Variants in CD58 observed in about 807,000 individuals in gnomAD.
CD58 encodes CD58 molecule, also known as lymphocyte function-associated antigen 3.
In CD58, 14 loss-of-function variants were observed where a neutral mutation model predicts 27.6. The ratio of observed to expected loss-of-function variants is 0.51; its 90% CI spans 0.34 to 0.79. The LOEUF (loss-of-function observed/expected upper bound fraction) is 0.79. Ranked by LOEUF, CD58 falls within the 30% of genes least tolerant of loss-of-function variation. The probability of loss-of-function intolerance (pLI) is 0.02; values close to 1 mark genes in which losing one functional copy is unlikely to be tolerated. For synonymous variants in CD58, 117 were observed against 103.8 expected, an observed-to-expected ratio of 1.13 and a Z score of -0.77; for missense variants, 268 against 301.7, an observed-to-expected ratio of 0.89 and a Z score of 0.83.
intron 3 of CD58, among the ~76,000 whole-genome samples, chr1:116,530,209 CTTTTTTT>C (rs113109056): frequency 0.026 from 3,764 of 143,450 alleles, 163 homozygotes; most frequent in African/African-American, 0.088. Context: ...TCTCCTCATT[CTTTTTTT>C]TTTTTTTGAG....
intron 1 of CD58, among the ~76,000 whole-genome samples, chr1:116,554,208 A>G (rs936688583): frequency 2.6e-5 from 4 of 152,228 alleles, no homozygotes; most frequent in African/African-American, 9.6e-5. Context: ...AAAGTTATCT[A>G]TACTAGTAAA....
intron 3 of CD58, among the ~76,000 whole-genome samples, chr1:116,529,341 G>A (rs1186612542): frequency 6.6e-6 from 1 of 152,236 alleles, no homozygotes; most frequent in Non-Finnish European, 1.5e-5. Context: ...ATAAGGAGGA[G>A]CAAAATGTAG....
In CD58 at chr1:116,532,483, G is replaced by T. The variant is rs1284094966; in HGVS notation, c.628+3482C>A. On this transcript the variant is annotated intron_variant, in intron 3 of 5. Transcript: ENST00000369489. This position sits in a 1 kb window ranked among gnomAD's most constrained non-coding sequence, Gnocchi z 5.1. Reference sequence around the variant, plus strand: ...GGCTGCACACTCAGCAGATTAAGCAGCTGAAAACAGCGAGTGGGTTTCTTC... The same window carrying T: ...GGCTGCACACTCAGCAGATTAAGCATCTGAAAACAGCGAGTGGGTTTCTTC... Among the ~76,000 whole-genome samples the T allele has an allele frequency of 6.6e-6, 1 of 152,224 alleles. No individual in the cohort carries two copies. Among genetic ancestry groups the T allele is most frequent in the Non-Finnish European group, 1.5e-5 (1 of 68,042 alleles).
At position 116,527,032 on chromosome 1, in the gene CD58, C is replaced by G. The variant is rs1387008615; in HGVS notation, c.629-5049G>C. On this transcript the variant is annotated intron_variant, in intron 3 of 5. Transcript: ENST00000369489. This position sits in a 1 kb window ranked among gnomAD's most constrained non-coding sequence, Gnocchi z 4.4. ...GACTTTTGTATATTAACTTTGTATC[C>G]TACAAATGTGCTATAGTTTTTTATT... Among the ~76,000 whole-genome samples, 2 of 152,106 alleles carry G rather than the reference C, an allele frequency of 1.3e-5. No individual in the cohort carries two copies. The highest frequency in any genetic ancestry group is 1.3e-4 in the Admixed American group (2 of 15,272).
intron 1 of CD58, among the ~76,000 whole-genome samples, chr1:116,545,163 T>C (rs759343768): frequency 2.0e-5 from 3 of 151,894 alleles, no homozygotes; most frequent in South Asian, 2.1e-4. Flanking sequence ...ACAGCTAGAA[T>C]GAGGAGGGCA....
At chr1:116,551,738 C>CTTTTT (rs1298283594) in intron 1 of CD58, among the ~76,000 whole-genome samples, 47 of 129,712 alleles carry the variant, frequency 3.6e-4, no homozygotes, top group African/African-American at 8.8e-4. Context: ...TTCTTTCTTT[C>CTTTTT]TTTTTTTTTT....
At position 116,523,146 on chromosome 1, in the gene CD58, C is replaced by T. The variant is rs1438547697; in HGVS notation, c.629-1163G>A. 6.6e-6 allele frequency among the ~76,000 whole-genome samples: 1 copy of T among 152,110 alleles called. No individual in the cohort carries two copies. The highest frequency in any genetic ancestry group is 1.5e-5 in the Non-Finnish European group (1 of 68,020). On this transcript the variant is annotated intron_variant, in intron 3 of 5. Transcript: ENST00000369489. The surrounding 1 kb of genome is among the most constrained non-coding windows in gnomAD (Gnocchi z 4.4). ...ATATCAATGATGTGCCCTTCTACTCCCCGCAAAAAGGCACAAAGATATTTA... is the reference window on the plus strand; with the variant it reads ...ATATCAATGATGTGCCCTTCTACTCTCCGCAAAAAGGCACAAAGATATTTA...
intron 4 of CD58, among the ~76,000 whole-genome samples, chr1:116,520,442 A>T (rs1226710830): frequency 1.3e-5 from 2 of 150,464 alleles, no homozygotes; most frequent in East Asian, 1.9e-4. Context: ...TTAAGAACAA[A>T]TTTTTTCAGA....
At position 116,552,348 on chromosome 1, in the gene CD58, C is replaced by A. The variant is rs1658420964; in HGVS notation, c.71-7744G>T. On this transcript the variant is annotated intron_variant, in intron 1 of 5. Transcript: ENST00000369489. This position sits in a 1 kb window ranked among gnomAD's most constrained non-coding sequence, Gnocchi z 4.5. ...CAATGACAACAGTAACATCAAAGAT[C>A]ACTGATCACAGATCACCATAACAGA... Among the ~76,000 whole-genome samples, 1 of 152,128 alleles carries A rather than the reference C, an allele frequency of 6.6e-6. No homozygotes were observed. Among genetic ancestry groups the A allele is most frequent in the Admixed American group, 6.6e-5 (1 of 15,260 alleles).
intron 3 of CD58, chr1:116,533,803 G>C (rs1368519547): frequency 2.7e-6 from 2 of 750,986 alleles, no homozygotes; most frequent in Non-Finnish European, 4.9e-6. Flanking sequence ...CTGGTATAAT[G>C]CTGCATATTT....
rs372113433 is a variant in CD58 at position 116,520,703 on chromosome 1, G to T, written c.706+1203C>A. On this transcript the variant is annotated intron_variant, in intron 4 of 5. Transcript: ENST00000369489. The stretch of plus-strand genomic sequence containing the variant: ...ATTAACTATTATACTGCTATTTGGG[G>T]ATTAAAATAGATTTTTAAAAAATTT... Among the ~76,000 whole-genome samples the T allele has an allele frequency of 1.8e-4, 28 of 152,146 alleles. No homozygotes were observed. In the East Asian group the frequency reaches 4.6e-3, roughly 25 times the overall value.
Position 116,541,397 on chromosome 1 carries a change from C to G in CD58, c.364+2914G>C, listed in dbSNP as rs1029292048. On this transcript the variant is annotated intron_variant, in intron 2 of 5. Transcript: ENST00000369489. This position sits in a 1 kb window ranked among gnomAD's most constrained non-coding sequence, Gnocchi z 5.3. The stretch of plus-strand genomic sequence containing the variant: ...TCCACAGGGGTCAGACCTCACATAG[C>G]CTTGCAAGTCGCTTTACACATTTTA... 6.6e-6 allele frequency among the ~76,000 whole-genome samples: 1 copy of G among 152,212 alleles called. No individual in the cohort carries two copies. Among genetic ancestry groups the G allele is most frequent in the Non-Finnish European group, 1.5e-5 (1 of 68,042 alleles).
rs1657640571 is a variant in CD58, at chr1:116,532,366, A to G, written c.628+3599T>C. Among the ~76,000 whole-genome samples the G allele has an allele frequency of 1.3e-5, 2 of 152,178 alleles. No individual in the cohort carries two copies. The highest frequency in any genetic ancestry group is 2.9e-5 in the Non-Finnish European group (2 of 68,026). On this transcript the variant is annotated intron_variant, in intron 3 of 5. Transcript: ENST00000369489. This position sits in a 1 kb window ranked among gnomAD's most constrained non-coding sequence, Gnocchi z 5.1. Reference sequence around the variant, plus strand: ...GTGCCACAACCCTGACCCAACCCTTAAAAAAGAAGATCAAAAAGCAACATC... The same window carrying G: ...GTGCCACAACCCTGACCCAACCCTTGAAAAAGAAGATCAAAAAGCAACATC...
chr1:116,561,257 A>G (rs1362802283), intron 1 of CD58, among the ~76,000 whole-genome samples: 1 of 152,222 alleles, frequency 6.6e-6, no homozygotes, highest in Non-Finnish European at 1.5e-5. Flanking sequence ...AAAACAAAAA[A>G]ACATAGCAAC....
At chr1:116,567,859 A>G (rs755893381) in intron 1 of CD58, among the ~76,000 whole-genome samples, 3 of 152,208 alleles carry the variant, frequency 2.0e-5, no homozygotes, top group Non-Finnish European at 2.9e-5. Flanking sequence ...AACATCTCCA[A>G]TAATGTGACA....
rs2101193014 is a variant in CD58 at position 116,546,022 on chromosome 1, CA to C, written c.71-1419del. Among the ~76,000 whole-genome samples the C allele has an allele frequency of 6.6e-6, 1 of 152,144 alleles. No individual in the cohort carries two copies. The highest frequency in any genetic ancestry group is 6.5e-5 in the Admixed American group (1 of 15,286). On this transcript the variant is annotated intron_variant, in intron 1 of 5. Coordinates refer to ENST00000369489, the MANE Select transcript of CD58 (RefSeq NM_001779.3). The surrounding 1 kb of genome is among the most constrained non-coding windows in gnomAD (Gnocchi z 4.1). Reference sequence around the variant, plus strand: ...CGAAACCCCATCTTTACGAAAAGTACAAAAAATTAGCTGGGCATGGCACACA... The same window carrying C: ...CGAAACCCCATCTTTACGAAAAGTACAAAAATTAGCTGGGCATGGCACACA...
At chr1:116,533,789 G>A (rs1657697923) in intron 3 of CD58, 2 of 734,650 alleles carry the variant, frequency 2.7e-6, no homozygotes, top group Non-Finnish European at 5.0e-6. Context: ...TCGTCAAAGA[G>A]AGGCTGGTAT....
rs1657990282 is a variant in CD58, at chr1:116,541,602, G to A, written c.364+2709C>T. ...CATCCCGGTTTCAGACTGACCAGCTGAAAGGATGGGGCTGCCATTAACCAA... is the reference window on the plus strand; with the variant it reads ...CATCCCGGTTTCAGACTGACCAGCTAAAAGGATGGGGCTGCCATTAACCAA... On this transcript the variant is annotated intron_variant, in intron 2 of 5. Coordinates refer to ENST00000369489, the MANE Select transcript of CD58 (RefSeq NM_001779.3). This position sits in a 1 kb window ranked among gnomAD's most constrained non-coding sequence, Gnocchi z 5.3. Among the ~76,000 whole-genome samples, 1 of 152,226 alleles carries A rather than the reference G, an allele frequency of 6.6e-6. No homozygotes were observed. Among genetic ancestry groups the A allele is most frequent in the African/African-American group, 2.4e-5 (1 of 41,454 alleles).
chr1:116,515,941 C>T lies in CD58; in HGVS notation c.744-1119G>A, dbSNP rs1254596722. On this transcript the variant is annotated intron_variant, in intron 5 of 5. Coordinates refer to ENST00000369489, the MANE Select transcript of CD58 (RefSeq NM_001779.3). This position sits in a 1 kb window ranked among gnomAD's most constrained non-coding sequence, Gnocchi z 4.6. ...TTAGTTCTTCCTGCTCCTGCCCTCG[C>T]GCAGCTGGGGAAATATTGCATTTGT... Among the ~76,000 whole-genome samples the T allele has an allele frequency of 6.6e-6, 1 of 152,136 alleles. No homozygotes were observed. Among genetic ancestry groups the T allele is most frequent in the Admixed American group, 6.5e-5 (1 of 15,280 alleles).
Sources: gnomAD v4.1 joint callset for allele counts (sites outside exome capture counted in the v4.1 genomes callset) on GRCh38, gnomAD v4.1.1 for gene constraint, Gnocchi (gnomAD v3.1) non-coding constraint, MANE v1.5 for transcripts, NCBI Gene and HGNC (gene_info 2026-07-23, HGNC 2026-07-21) for gene names.